Variants in PTPN4 observed in about 807,000 individuals in gnomAD.
PTPN4 encodes the protein tyrosine-protein phosphatase non-receptor type 4.
In PTPN4, 49 loss-of-function variants were observed where a neutral mutation model predicts 135.5. The ratio of observed to expected loss-of-function variants is 0.36; its 90% CI spans 0.29 to 0.46. The LOEUF is 0.46. PTPN4 is among the 20% of genes least tolerant of loss of function. The pLI is 1.00. For synonymous variants in PTPN4, 333 were observed against 369.9 expected (o/e 0.90, Z 1.14); for missense variants, 860 against 1,101.0 (o/e 0.78, Z 3.10).
At chr2:119,807,482 G>A (rs1166627404) in intron 1 of PTPN4, among the ~76,000 whole-genome samples, 2 of 152,132 alleles carry the variant, frequency 1.3e-5, no homozygotes, top group African/African-American at 4.8e-5. Flanking sequence ...TAGAAGAAAT[G>A]GATAAATTCC....
In PTPN4 at chr2:119,796,068, A is replaced by G. The variant is rs536017052; in HGVS notation, c.-17-13769A>G. Among the ~76,000 whole-genome samples, 22 of 152,282 alleles carry G rather than the reference A, an allele frequency of 1.4e-4. No homozygotes were observed. The East Asian group carries it at 4.3e-3, about 29-fold the overall frequency. On this transcript the variant is annotated intron_variant, in intron 1 of 26. Transcript: ENST00000263708. ...GATTGCCGAGGCTTCGGGCCTGGAAATGGGTCCTACCCGGCCATGCGAGGG... is the reference window on the plus strand; with the variant it reads ...GATTGCCGAGGCTTCGGGCCTGGAAGTGGGTCCTACCCGGCCATGCGAGGG...
intron 2 of PTPN4, among the ~76,000 whole-genome samples, chr2:119,845,141 C>T (rs927508247): frequency 6.7e-6 from 1 of 148,448 alleles, no homozygotes; most frequent in African/African-American, 2.5e-5. Flanking sequence ...ACTGGGCAGG[C>T]TGAGGCAGGA....
At chr2:119,871,273 T>C (rs1467837456) in intron 3 of PTPN4, among the ~76,000 whole-genome samples, 1 of 151,082 alleles carries the variant, frequency 6.6e-6, no homozygotes, top group Non-Finnish European at 1.5e-5. Flanking sequence ...TGAAAAAGTG[T>C]TTTTGGAAGG....
chr2:119,948,446 T>A (rs1679166832), intron 18 of PTPN4, among the ~76,000 whole-genome samples: 1 of 150,764 alleles, frequency 6.6e-6, no homozygotes, highest in Non-Finnish European at 1.5e-5. Flanking sequence ...ATTTAAGACT[T>A]AAAAAAAAAG....
intron 9 of PTPN4, among the ~76,000 whole-genome samples, chr2:119,894,453 A>G (rs1367780172): frequency 6.6e-6 from 1 of 152,210 alleles, no homozygotes; most frequent in African/African-American, 2.4e-5. Context: ...ATCTTTATGA[A>G]AGCATAAATA....
At chr2:119,782,140 G>T (rs1394310320) in intron 1 of PTPN4, among the ~76,000 whole-genome samples, 2 of 152,108 alleles carry the variant, frequency 1.3e-5, no homozygotes, top group Non-Finnish European at 2.9e-5. Context: ...TTCTTGGCTG[G>T]GCGCGGTGGC....
At chr2:119,897,177 C>A (rs1678337227) in intron 9 of PTPN4, among the ~76,000 whole-genome samples, 1 of 152,118 alleles carries the variant, frequency 6.6e-6, no homozygotes, top group Non-Finnish European at 1.5e-5. Context: ...AAGTGATCCA[C>A]CTGCCTCAGC....
chr2:119,804,968 A>G (rs1691440608), intron 1 of PTPN4, among the ~76,000 whole-genome samples: 1 of 152,176 alleles, frequency 6.6e-6, no homozygotes, highest in South Asian at 2.1e-4. Context: ...AATGATCGCC[A>G]TTCTAACTGG....
chr2:119,970,081 C>CT (rs1679507468), intron 26 of PTPN4, among the ~76,000 whole-genome samples: 1 of 151,624 alleles, frequency 6.6e-6, no homozygotes, highest in Non-Finnish European at 1.5e-5. Context: ...TTTTTTGAGA[C>CT]AGAGTTTCGC....
chr2:119,933,210 ATGT>A (rs1181847958), intron 14 of PTPN4, among the ~76,000 whole-genome samples: 1 of 152,214 alleles, frequency 6.6e-6, no homozygotes, highest in African/African-American at 2.4e-5. Context: ...AATATTACAA[ATGT>A]TGTATGTAAT....
intron 1 of PTPN4, among the ~76,000 whole-genome samples, chr2:119,795,485 A>G (rs1691237565): frequency 6.6e-6 from 1 of 152,240 alleles, no homozygotes; most frequent in South Asian, 2.1e-4. Flanking sequence ...CCAAGGTGGC[A>G]GGGGGCTGGC....
At chr2:119,796,536 G>C in intron 1 of PTPN4, among the ~76,000 whole-genome samples, 1 of 152,060 alleles carries the variant, frequency 6.6e-6, no homozygotes, top group East Asian at 1.9e-4. Context: ...TGTATGAATA[G>C]TTCTGTTTTA....
intron 12 of PTPN4, among the ~76,000 whole-genome samples, chr2:119,924,697 C>T (rs373009417): frequency 2.0e-5 from 3 of 147,680 alleles, no homozygotes; most frequent in Non-Finnish European, 4.5e-5. Flanking sequence ...GAAATATAAG[C>T]CTTTCTTTCA....
chr2:119,775,802 GATATCT>G (rs56763862), intron 1 of PTPN4, among the ~76,000 whole-genome samples: 116,822 of 149,860 alleles, frequency 0.78, 46,300 homozygotes, highest in Non-Finnish European at 0.84. Flanking sequence ...AGAGATTGTG[GATATCT>G]ATATCTATAT....
chr2:119,865,677 A>G (rs1041112543), intron 3 of PTPN4, among the ~76,000 whole-genome samples: 1 of 152,076 alleles, frequency 6.6e-6, no homozygotes. Flanking sequence ...TTCTACAAGA[A>G]TTAATTCTCA....
chr2:119,791,024 T>A (rs1691135302), intron 1 of PTPN4: 1 of 152,214 alleles, frequency 6.6e-6, no homozygotes, highest in South Asian at 2.1e-4. Context: ...CCATCAACGT[T>A]GTATTGCTTT....
chr2:119,819,948 A>T (rs1677040115), intron 2 of PTPN4, among the ~76,000 whole-genome samples: 1 of 151,602 alleles, frequency 6.6e-6, no homozygotes. Flanking sequence ...GCAGGCTTGA[A>T]CTCCTGGGCT....
chr2:119,851,670 A>G (rs540562404), intron 2 of PTPN4, among the ~76,000 whole-genome samples: 3 of 152,290 alleles, frequency 2.0e-5, no homozygotes, highest in African/African-American at 7.2e-5. Context: ...CTTAATGCAC[A>G]TGCCTGGGTT....
At chr2:119,948,578 A>T (rs1004503227) in intron 18 of PTPN4, among the ~76,000 whole-genome samples, 1 of 152,168 alleles carries the variant, frequency 6.6e-6, no homozygotes, top group African/African-American at 2.4e-5. Flanking sequence ...TAACAGTTTA[A>T]AGTGGAAAAA....
Sources: allele counts gnomAD v4.1 joint callset (sites outside exome capture counted in the v4.1 genomes callset), GRCh38; gene constraint gnomAD v4.1.1; transcripts MANE v1.5; gene names NCBI Gene and HGNC (gene_info 2026-07-23, HGNC 2026-07-21).